CLINT1: variants seen among roughly 807,000 people sequenced by gnomAD.
The protein encoded by CLINT1 is clathrin interactor 1.
CLINT1 carries 15 observed loss-of-function variants against 70.4 expected under a neutral mutation model. The ratio of observed to expected loss-of-function variants is 0.21; its 90% CI spans 0.14 to 0.33. The LOEUF (loss-of-function observed/expected upper bound fraction) is 0.33, where lower values mean the gene tolerates loss of function less well. Ranked by LOEUF, CLINT1 falls within the 10% of genes least tolerant of loss-of-function variation. The probability of loss-of-function intolerance (pLI) is 1.00; values close to 1 mark genes in which losing one functional copy is unlikely to be tolerated. For missense variants in CLINT1, 615 were observed against 778.1 expected (o/e 0.79, Z 2.49); for synonymous variants, 227 against 254.7 (o/e 0.89, Z 1.04).
At chr5:157,835,894 G>C (rs1763405624) in intron 1 of CLINT1, among the ~76,000 whole-genome samples, 2 of 152,236 alleles carry the variant, frequency 1.3e-5, no homozygotes, top group African/African-American at 4.8e-5. Flanking sequence ...GAAATCTAAA[G>C]TTAAAAAACA....
At chr5:157,822,589 G>C (rs956380833) in intron 1 of CLINT1, among the ~76,000 whole-genome samples, 1 of 152,086 alleles carries the variant, frequency 6.6e-6, no homozygotes, top group Non-Finnish European at 1.5e-5. Flanking sequence ...GTTAGTCAAG[G>C]GTCAACTATT....
chr5:157,832,614 C>A (rs191500957), intron 1 of CLINT1, among the ~76,000 whole-genome samples: 26 of 152,316 alleles, frequency 1.7e-4, no homozygotes, highest in African/African-American at 6.0e-4. Flanking sequence ...TTCTACATGA[C>A]CACATTAATC....
At position 157,789,507 on chromosome 5, in the gene CLINT1, C is replaced by G; in HGVS notation, c.1387G>C (p.Asp463His). ...TTGCTGACTGATTTCTGGACCATAT[C>G]TGTATTCTGATTATAGAGAGGATTA... Reference protein sequence around the residue: ...GLPMSRSQNTDMVQKSVSKTL... With the variant: ...GLPMSRSQNTHMVQKSVSKTL... Residue 463 changes from aspartate to histidine, a missense_variant, in exon 11 of 12, where the codon GAT becomes CAT. Transcript: ENST00000411809. The G allele has an allele frequency of 6.2e-7, 1 of 1,613,956 alleles. No homozygotes were observed. The highest frequency in any genetic ancestry group is 8.5e-7 in the Non-Finnish European group (1 of 1,179,872).
rs1762017635 is a variant in CLINT1 at position 157,794,750 on chromosome 5, A to G, written c.1087+148T>C. The G allele has an allele frequency of 1.5e-5, 10 of 665,018 alleles. No homozygotes were observed. The South Asian group carries it at 1.6e-4, about 10-fold the overall frequency. The allele number at this position is 665,018 out of a possible 1,614,324, so 41.2% of individuals were successfully genotyped here. Reference sequence around the variant, plus strand: ...TTGGCACATTTAAGGCATCTGCCCAATAAAATACCTTGTGAATAAATTCTT... The same window carrying G: ...TTGGCACATTTAAGGCATCTGCCCAGTAAAATACCTTGTGAATAAATTCTT... On this transcript the variant is annotated intron_variant, in intron 9 of 11. Coordinates refer to ENST00000411809, the MANE Select transcript of CLINT1 (RefSeq NM_014666.4).
intron 1 of CLINT1, among the ~76,000 whole-genome samples, chr5:157,830,519 A>C (rs1269420510): frequency 6.6e-6 from 1 of 151,988 alleles, no homozygotes; most frequent in Non-Finnish European, 1.5e-5. Flanking sequence ...GTAAGAGTAA[A>C]TGCTTCACAC....
chr5:157,820,463 A>C (rs952429655), intron 1 of CLINT1, among the ~76,000 whole-genome samples: 1 of 152,170 alleles, frequency 6.6e-6, no homozygotes, highest in African/African-American at 2.4e-5. Flanking sequence ...TGCTTTCAGA[A>C]ACTGCAAAGA....
At chr5:157,818,119 T>C (rs1296508747) in intron 1 of CLINT1, among the ~76,000 whole-genome samples, 1 of 152,210 alleles carries the variant, frequency 6.6e-6, no homozygotes, top group African/African-American at 2.4e-5. Context: ...ATATATTCAC[T>C]GTAACCCTCA....
At chr5:157,848,367 G>C (rs886660945) in intron 1 of CLINT1, among the ~76,000 whole-genome samples, 1 of 150,882 alleles carries the variant, frequency 6.6e-6, no homozygotes, top group African/African-American at 2.4e-5. Flanking sequence ...AAAGCTCTGG[G>C]ATTACAGGCG....
At chr5:157,812,890 T>C (rs911690302) in intron 5 of CLINT1, among the ~76,000 whole-genome samples, 173 bp downstream of exon 5, 1 of 152,210 alleles carries the variant, frequency 6.6e-6, no homozygotes, top group Non-Finnish European at 1.5e-5. Context: ...AAGTTAAAAA[T>C]AGGAAGATTC....
At chr5:157,811,775 C>T (rs553019368) in intron 5 of CLINT1, among the ~76,000 whole-genome samples, 80 of 152,174 alleles carry the variant, frequency 5.3e-4, no homozygotes, top group African/African-American at 1.7e-3. Context: ...AAGAAAGATA[C>T]AAGCAAGAAT....
chr5:157,807,642 T>C (rs747730666), intron 6 of CLINT1, among the ~76,000 whole-genome samples: 1 of 152,126 alleles, frequency 6.6e-6, no homozygotes, highest in South Asian at 2.1e-4. Flanking sequence ...CGATAAATCA[T>C]GTTCACTGCA....
intron 1 of CLINT1, among the ~76,000 whole-genome samples, chr5:157,847,144 C>T (rs1486223647): frequency 2.6e-5 from 4 of 151,978 alleles, no homozygotes; most frequent in African/African-American, 4.8e-5. Flanking sequence ...CTAGTGATTC[C>T]TCTGATGGAT....
chr5:157,857,733 G>T (rs1382759372), intron 1 of CLINT1, among the ~76,000 whole-genome samples: 1 of 152,202 alleles, frequency 6.6e-6, no homozygotes, highest in Non-Finnish European at 1.5e-5. Flanking sequence ...CAGCTTTGCA[G>T]GTTCTGAAAC....
intron 2 of CLINT1, 58 bp downstream of exon 2, chr5:157,817,385 T>C: frequency 9.3e-7 from 1 of 1,076,972 alleles, no homozygotes; most frequent in South Asian, 1.4e-5. Flanking sequence ...AAATTTCATA[T>C]TTCTGTGTTA....
intron 3 of CLINT1, 34 bp downstream of exon 3, chr5:157,816,700 A>G: frequency 6.9e-7 from 1 of 1,450,074 alleles, no homozygotes. Context: ...TGTTTTCAAC[A>G]TGTCAAGTAA....
chr5:157,847,340 C>A (rs1462700393), intron 1 of CLINT1, among the ~76,000 whole-genome samples: 1 of 152,080 alleles, frequency 6.6e-6, no homozygotes, highest in Non-Finnish European at 1.5e-5. Flanking sequence ...CTCATCTCTA[C>A]AGAAAACTTA....
intron 3 of CLINT1, 130 bp downstream of exon 3, chr5:157,816,601 ACTT>A (rs1293113994): frequency 1.7e-6 from 1 of 581,210 alleles, no homozygotes; most frequent in Non-Finnish European, 3.0e-6. Flanking sequence ...TAACAAATCT[ACTT>A]CTTTCATGTG....
chr5:157,809,926 C>A, intron 5 of CLINT1, 121 bp from the exon 6 acceptor site: 1 of 933,020 alleles, frequency 1.1e-6, no homozygotes, highest in Non-Finnish European at 1.6e-6. Flanking sequence ...AAACAGAAAG[C>A]TCCCACAGTG....
In CLINT1 at chr5:157,809,696, T is replaced by C; in HGVS notation, c.627A>G (p.Gly209=). 6.2e-7 allele frequency: 1 copy of C among 1,613,472 alleles called. No homozygotes were observed. The highest frequency in any genetic ancestry group is 8.5e-7 in the Non-Finnish European group (1 of 1,179,626). Residue 209 remains glycine (G), a synonymous_variant, in exon 6 of 12, where the codon GGA becomes GGG. Coordinates refer to ENST00000411809, the MANE Select transcript of CLINT1 (RefSeq NM_014666.4). ...TGCTGATGGTGTCATCAATTGTGCT[T>C]CCAATTTTATCACTCAGCTCACCTA... The part of the protein sequence containing the change: ...DKLGELSDKI[G]STIDDTISKF...
Sources: gnomAD v4.1 joint callset for allele counts (sites outside exome capture counted in the v4.1 genomes callset) on GRCh38, gnomAD v4.1.1 for gene constraint, MANE v1.5 for transcripts, NCBI Gene and HGNC (gene_info 2026-07-23, HGNC 2026-07-21) for gene names.